Variants in DLGAP2 observed in about 807,000 individuals in gnomAD.
DLGAP2 encodes DLG associated protein 2, also known as disks large-associated protein 2.
DLGAP2 carries 26 observed loss-of-function variants against 100.3 expected under a neutral mutation model. The observed-to-expected ratio is 0.26, with a 90% CI of 0.19 to 0.36. The LOEUF (loss-of-function observed/expected upper bound fraction) is 0.36. DLGAP2 is among the 10% of genes least tolerant of loss of function. The pLI is 1.00. For synonymous variants in DLGAP2, 886 were observed against 630.1 expected (o/e 1.41, Z -6.08); for missense variants, 1,858 against 1,453.2 (o/e 1.28, Z -4.53).
chr8:1,561,421 G>A (rs1802157365), intron 5 of DLGAP2, among the ~76,000 whole-genome samples: 1 of 152,146 alleles, frequency 6.6e-6, no homozygotes, highest in Non-Finnish European at 1.5e-5. Context: ...GAGCACCACA[G>A]ACACCGCCTG....
chr8:1,253,229 G>A lies in DLGAP2; in HGVS notation c.74-5622G>A, dbSNP rs146753469. Among the ~76,000 whole-genome samples, 643 of 152,338 alleles carry A rather than the reference G, an allele frequency of 4.2e-3. 8 individuals are homozygous for A. The highest frequency in any genetic ancestry group is 0.023 in the South Asian group (109 of 4,830). On this transcript the variant is annotated intron_variant, in intron 2 of 14. Coordinates refer to ENST00000637795, the MANE Select transcript of DLGAP2 (RefSeq NM_001346810.2). ...CCTGAGGAGCTCCAGCCAAGGCCCC[G>A]GGCTGTGTCCACCACGCAGGGCTGC...
intron 3 of DLGAP2, among the ~76,000 whole-genome samples, chr8:1,358,824 A>G (rs1266026498): frequency 6.6e-6 from 1 of 150,794 alleles, no homozygotes; most frequent in Non-Finnish European, 1.5e-5. Context: ...CACGTTTGTC[A>G]TCAGAGGCAG....
chr8:1,333,872 CAG>C (rs1396106392), intron 3 of DLGAP2, among the ~76,000 whole-genome samples: 10 of 152,250 alleles, frequency 6.6e-5, no homozygotes, highest in African/African-American at 1.4e-4. Flanking sequence ...GCAGGGGGAA[CAG>C]AAAGTCAGAT....
Position 893,639 on chromosome 8 carries a change from A to T in DLGAP2, c.19-14273A>T, listed in dbSNP as rs113921601. Among the ~76,000 whole-genome samples, 840 of 152,274 alleles carry T rather than the reference A, an allele frequency of 5.5e-3. 2 individuals carry two copies. The highest frequency in any genetic ancestry group is 9.8e-3 in the Non-Finnish European group (668 of 68,014). ...CAGGAGGGTCTTTCTGCAGTGAGGG[A>T]AGTCCGTTAGGCATGCTGTGGTTTC... On this transcript the variant is annotated intron_variant, in intron 1 of 14. Coordinates refer to ENST00000637795, the MANE Select transcript of DLGAP2 (RefSeq NM_001346810.2).
intron 3 of DLGAP2, among the ~76,000 whole-genome samples, chr8:1,291,517 C>T (rs1800059736): frequency 6.6e-6 from 1 of 152,108 alleles, no homozygotes; most frequent in South Asian, 2.1e-4. Flanking sequence ...GAGGAGAAGC[C>T]CATGACACAG....
chr8:998,108 C>T (rs1800838512), intron 2 of DLGAP2, among the ~76,000 whole-genome samples: 1 of 152,168 alleles, frequency 6.6e-6, no homozygotes, highest in Non-Finnish European at 1.5e-5. Flanking sequence ...GAAACATACA[C>T]ACGTGTATGA....
chr8:789,053 G>A (rs117813517), intron 1 of DLGAP2, among the ~76,000 whole-genome samples: 1 of 152,188 alleles, frequency 6.6e-6, no homozygotes, highest in Non-Finnish European at 1.5e-5. Context: ...TTTTCTTCCT[G>A]TTGAGTTTCG....
chr8:1,186,093 C>T (rs1293582181), intron 2 of DLGAP2, among the ~76,000 whole-genome samples: 1 of 152,186 alleles, frequency 6.6e-6, no homozygotes, highest in Non-Finnish European at 1.5e-5. Context: ...GCCCGGGCCA[C>T]CTCCCCACTC....
chr8:786,301 G>T (rs987509500), intron 1 of DLGAP2, among the ~76,000 whole-genome samples: 1 of 152,136 alleles, frequency 6.6e-6, no homozygotes, highest in African/African-American at 2.4e-5. Context: ...GCTGGGTCCC[G>T]GAGGTCACCA....
intron 1 of DLGAP2, among the ~76,000 whole-genome samples, chr8:839,466 C>T (rs1014218247): frequency 2.0e-5 from 3 of 152,176 alleles, no homozygotes; most frequent in Non-Finnish European, 4.4e-5. Flanking sequence ...GCGAAATAAG[C>T]CAGGCGCAGA....
At chr8:1,381,824 T>C (rs951444667) in intron 3 of DLGAP2, among the ~76,000 whole-genome samples, 11 of 147,474 alleles carry the variant, frequency 7.5e-5, no homozygotes, top group Non-Finnish European at 1.3e-4. Flanking sequence ...TGTGTGTGTG[T>C]TTGTATCACA....
intron 2 of DLGAP2, among the ~76,000 whole-genome samples, chr8:1,177,297 G>A (rs1297482217): frequency 2.0e-5 from 3 of 152,038 alleles, no homozygotes; most frequent in African/African-American, 7.2e-5. Flanking sequence ...TTCTCCGTAT[G>A]TTCTTGGAGT....
At chr8:1,149,185 G>A (rs1796655806) in intron 2 of DLGAP2, among the ~76,000 whole-genome samples, 1 of 151,660 alleles carries the variant, frequency 6.6e-6, no homozygotes. Context: ...TCGCTCTGTT[G>A]CCCAGGCTGA....
intron 12 of DLGAP2, 113 bp from the exon 13 acceptor site, chr8:1,691,422 G>A (rs141682221): frequency 1.1e-5 from 9 of 856,560 alleles, no homozygotes; most frequent in East Asian, 2.7e-5. Flanking sequence ...CGATGAAGTC[G>A]TCAGTTTTCA....
intron 2 of DLGAP2, among the ~76,000 whole-genome samples, chr8:1,209,086 G>C (rs1257837828): frequency 1.3e-5 from 2 of 151,878 alleles, no homozygotes; most frequent in Non-Finnish European, 2.9e-5. Flanking sequence ...CAAACACAAT[G>C]GATAAATTCA....
intron 3 of DLGAP2, among the ~76,000 whole-genome samples, chr8:1,360,176 C>T (rs1361027339): frequency 2.0e-5 from 3 of 149,204 alleles, no homozygotes; most frequent in African/African-American, 7.5e-5. Flanking sequence ...GTTAGCGACT[C>T]CTGCTGCTTC....
chr8:1,256,826 C>T (rs1294693347), intron 2 of DLGAP2, among the ~76,000 whole-genome samples: 1 of 152,128 alleles, frequency 6.6e-6, no homozygotes, highest in South Asian at 2.1e-4. Flanking sequence ...GATGGGATGG[C>T]CCGAGTCTGA....
intron 2 of DLGAP2, among the ~76,000 whole-genome samples, chr8:934,738 G>A (rs558739636): frequency 3.9e-5 from 6 of 152,236 alleles, no homozygotes; most frequent in East Asian, 1.9e-4. Flanking sequence ...GCCCTGTGCC[G>A]GCTCTCGGGG....
At chr8:1,195,310 G>T (rs1433278244) in intron 2 of DLGAP2, among the ~76,000 whole-genome samples, 2 of 152,168 alleles carry the variant, frequency 1.3e-5, no homozygotes, top group African/African-American at 4.8e-5. Context: ...CTCAGGAGCA[G>T]AGCCTGAAGT....
Sources: gnomAD v4.1 joint callset for allele counts (sites outside exome capture counted in the v4.1 genomes callset) on GRCh38, gnomAD v4.1.1 for gene constraint, MANE v1.5 for transcripts, NCBI Gene and HGNC (gene_info 2026-07-23, HGNC 2026-07-21) for gene names.